The following KDM2A variants were observed in gnomAD, a reference collection of about 807,000 sequenced individuals.
KDM2A encodes lysine demethylase 2A.
Under a neutral mutation model 137.3 loss-of-function variants are expected in KDM2A, and 3 were observed. That is an observed-to-expected ratio of 0.02 (90% CI 0.01 to 0.06). The LOEUF is 0.06. Ranked by LOEUF, KDM2A falls within the 10% of genes least tolerant of loss-of-function variation. The pLI, the probability that KDM2A is intolerant of heterozygous loss-of-function variation, is 1.00. For synonymous variants in KDM2A, 512 were observed against 541.5 expected (o/e 0.95, Z 0.76); for missense variants, 738 against 1,510.6 (o/e 0.49, Z 8.48).
Position 67,249,711 on chromosome 11 carries a change from A to T in KDM2A, c.2056-375A>T, listed in dbSNP as rs183920077. ...TGGAGTCAAACTTAGACTGTGGTAG[A>T]GCTAGAAGCCAATGGTGTTTACCAT... On this transcript the variant is annotated intron_variant, in intron 16 of 20. Transcript: ENST00000529006. Among the ~76,000 whole-genome samples the T allele has an allele frequency of 6.6e-5, 10 of 152,316 alleles. No homozygotes were observed. In the East Asian group the frequency reaches 1.5e-3, roughly 24 times the overall value.
rs181761542 is a variant in KDM2A, at chr11:67,151,830, G to A, written c.43-28249G>A. On this transcript the variant is annotated intron_variant, in intron 2 of 20. Coordinates refer to ENST00000529006, the MANE Select transcript of KDM2A (RefSeq NM_012308.3). ...GCTTTATCTAGCTTACTATAGCCTT[G>A]AACTCCTGGGCTTAAGCAATTCTCT... 6.4e-4 allele frequency among the ~76,000 whole-genome samples: 97 copies of A among 151,972 alleles called. 1 individual carries two copies. The highest frequency in any genetic ancestry group is 2.4e-4 in the Non-Finnish European group (16 of 68,006).
At chr11:67,214,871 C>A (rs1019428926) in intron 6 of KDM2A, among the ~76,000 whole-genome samples, 3 of 152,162 alleles carry the variant, frequency 2.0e-5, no homozygotes, top group Non-Finnish European at 4.4e-5. Context: ...TTCTATAGCA[C>A]ATTGTCAATG....
chr11:67,151,909 T>TAGCC (rs1222435070), intron 2 of KDM2A, among the ~76,000 whole-genome samples: 1 of 152,166 alleles, frequency 6.6e-6, no homozygotes, highest in African/African-American at 2.4e-5. Context: ...CACACCGGGC[T>TAGCC]AATTTTTTTA....
At chr11:67,143,777 C>T (rs753397630) in intron 2 of KDM2A, among the ~76,000 whole-genome samples, 32 of 150,102 alleles carry the variant, frequency 2.1e-4, no homozygotes, top group Non-Finnish European at 4.3e-4. Context: ...GGATTACAGG[C>T]GTGTGCCACC....
intron 2 of KDM2A, among the ~76,000 whole-genome samples, chr11:67,172,104 C>G (rs1856892468): frequency 6.6e-6 from 1 of 152,168 alleles, no homozygotes; most frequent in Non-Finnish European, 1.5e-5. Flanking sequence ...ATCCTTCTAC[C>G]TCAGCCTCCT....
rs188364884 is a variant in KDM2A at position 67,162,178 on chromosome 11, G to C, written c.43-17901G>C. The stretch of plus-strand genomic sequence containing the variant: ...TTTTGGTTTATTTGGTAAATCTTCT[G>C]TTTCTCTTGGCTGTATGAAATTCTA... On this transcript the variant is annotated intron_variant, in intron 2 of 20. Transcript: ENST00000529006. Among the ~76,000 whole-genome samples, 21 of 152,128 alleles carry C rather than the reference G, an allele frequency of 1.4e-4. No homozygotes were observed. In the East Asian group the frequency reaches 4.1e-3, roughly 29 times the overall value.
intron 6 of KDM2A, among the ~76,000 whole-genome samples, chr11:67,212,816 G>C (rs1283309071): frequency 1.3e-5 from 2 of 151,856 alleles, no homozygotes; most frequent in Admixed American, 6.6e-5. Context: ...GTTCTGAACC[G>C]TTCCTCTCCC....
chr11:67,187,228 A>G (rs1857227622), intron 5 of KDM2A, among the ~76,000 whole-genome samples: 1 of 152,230 alleles, frequency 6.6e-6, no homozygotes, highest in Non-Finnish European at 1.5e-5. Flanking sequence ...GAAAACAGTA[A>G]TTTAGGAAAA....
intron 18 of KDM2A, 77 bp downstream of exon 18, chr11:67,252,934 C>T: frequency 6.8e-7 from 1 of 1,466,474 alleles, no homozygotes; most frequent in Non-Finnish European, 9.2e-7. Context: ...ATTGGCAGTG[C>T]TTCTTAGCAT....
intron 12 of KDM2A, among the ~76,000 whole-genome samples, chr11:67,236,373 G>A (rs2136433958): frequency 6.6e-6 from 1 of 152,138 alleles, no homozygotes; most frequent in South Asian, 2.1e-4. Flanking sequence ...CAAGTGATCT[G>A]CCTGTCTAGG....
intron 15 of KDM2A, among the ~76,000 whole-genome samples, chr11:67,246,570 C>CT (rs776875031): frequency 1.3e-5 from 2 of 151,372 alleles, no homozygotes; most frequent in Non-Finnish European, 2.9e-5. Flanking sequence ...AGCTAAATAG[C>CT]TTTAAAAAAA....
intron 5 of KDM2A, chr11:67,196,543 C>T: frequency 2.2e-6 from 1 of 446,800 alleles, no homozygotes. Context: ...ATTATTTAGC[C>T]TTAAAAAGGA....
intron 8 of KDM2A, among the ~76,000 whole-genome samples, chr11:67,216,816 A>G (rs1227891065): frequency 2.0e-5 from 3 of 152,188 alleles, no homozygotes; most frequent in African/African-American, 7.2e-5. Context: ...GCTACTCGGG[A>G]GGCTGAGGCA....
intron 2 of KDM2A, among the ~76,000 whole-genome samples, chr11:67,127,703 AATTT>A (rs1352064088): frequency 6.6e-6 from 1 of 151,582 alleles, no homozygotes; most frequent in Non-Finnish European, 1.5e-5. Context: ...TAAATTAATT[AATTT>A]ATTTATTTAT....
At chr11:67,180,932 G>T (rs12295689) in intron 3 of KDM2A, among the ~76,000 whole-genome samples, 2,417 of 151,166 alleles carry the variant, frequency 0.016, 67 homozygotes, top group African/African-American at 0.056. Flanking sequence ...AAAGTGCTGG[G>T]ATTACAGGTA....
At chr11:67,198,985 G>T (rs1334680861) in intron 5 of KDM2A, among the ~76,000 whole-genome samples, 3 of 151,920 alleles carry the variant, frequency 2.0e-5, no homozygotes, top group Non-Finnish European at 2.9e-5. Flanking sequence ...CACCATGTTG[G>T]CCAGGGTGAT....
At chr11:67,216,901 CA>C (rs1386880483) in intron 8 of KDM2A, among the ~76,000 whole-genome samples, 1 of 150,714 alleles carries the variant, frequency 6.6e-6, no homozygotes, top group East Asian at 2.0e-4. Context: ...GCCTGGGCAA[CA>C]AGAGCAAAAC....
intron 2 of KDM2A, among the ~76,000 whole-genome samples, chr11:67,148,460 A>G (rs188916295): frequency 7.7e-6 from 1 of 129,616 alleles, no homozygotes; most frequent in East Asian, 1.9e-4. Flanking sequence ...TTCATGGGGT[A>G]AAACTCAAAT....
chr11:67,172,058 T>C (rs954486258), intron 2 of KDM2A, among the ~76,000 whole-genome samples: 1 of 152,184 alleles, frequency 6.6e-6, no homozygotes, highest in African/African-American at 2.4e-5. Context: ...GGCGTGAACA[T>C]GGCTTACTGC....
Sources: allele counts gnomAD v4.1 joint callset (sites outside exome capture counted in the v4.1 genomes callset), GRCh38; gene constraint gnomAD v4.1.1; transcripts MANE v1.5; gene names NCBI Gene and HGNC (gene_info 2026-07-23, HGNC 2026-07-21).